Variants in RNF121 observed in about 807,000 individuals in gnomAD.
The protein encoded by RNF121 is E3 ubiquitin ligase RNF121.
A neutral mutation model predicts 46.5 loss-of-function variants in RNF121; 21 were observed. The ratio of observed to expected loss-of-function variants is 0.45; its 90% CI spans 0.32 to 0.65. The LOEUF (loss-of-function observed/expected upper bound fraction) is 0.65, where lower values mean the gene tolerates loss of function less well. RNF121 is among the 30% of genes least tolerant of loss of function. RNF121 has a pLI of 0.04. For missense variants in RNF121, 346 were observed against 416.0 expected (o/e 0.83, Z 1.46); for synonymous variants, 139 against 144.7 (o/e 0.96, Z 0.28).
At chr11:71,993,553 A>G (rs1206508643) in intron 6 of RNF121, among the ~76,000 whole-genome samples, 2 of 152,182 alleles carry the variant, frequency 1.3e-5, no homozygotes, top group East Asian at 3.9e-4. Flanking sequence ...ATGGCTGAAT[A>G]GTATTCCATT....
At chr11:71,962,186 T>G (rs1459365188) in intron 3 of RNF121, 1 of 196,290 alleles carries the variant, frequency 5.1e-6, no homozygotes, top group Admixed American at 6.5e-5. Context: ...GCCAGGATGG[T>G]CTCGATCTCC....
intron 1 of RNF121, among the ~76,000 whole-genome samples, chr11:71,929,516 C>A (rs946030489): frequency 3.3e-5 from 5 of 152,000 alleles, no homozygotes; most frequent in Non-Finnish European, 2.9e-5. Context: ...TCTGTCTAAG[C>A]CTAGGGTGGG....
chr11:71,982,335 C>CAAAAAAAAA (rs10635678), intron 3 of RNF121, among the ~76,000 whole-genome samples: 6 of 79,110 alleles, frequency 7.6e-5, no homozygotes, highest in Admixed American at 1.7e-4. Flanking sequence ...GACTCCATCT[C>CAAAAAAAAA]AAAAAAAAAA....
intron 4 of RNF121, among the ~76,000 whole-genome samples, chr11:71,984,549 G>C (rs1486995698): frequency 6.6e-6 from 1 of 151,262 alleles, no homozygotes; most frequent in Non-Finnish European, 1.5e-5. Context: ...CAAAGTGCTG[G>C]GATTACAGGC....
At chr11:71,931,531 A>C (rs1391475147) in intron 1 of RNF121, among the ~76,000 whole-genome samples, 1 of 152,232 alleles carries the variant, frequency 6.6e-6, no homozygotes, top group Non-Finnish European at 1.5e-5. Flanking sequence ...CTTGTGAAAC[A>C]GCAGGTGAAA....
intron 3 of RNF121, among the ~76,000 whole-genome samples, chr11:71,975,370 A>C (rs1954507456): frequency 6.6e-6 from 1 of 152,100 alleles, no homozygotes; most frequent in African/African-American, 2.4e-5. Context: ...CTCAAATACT[A>C]GTTGTCTTTT....
intron 3 of RNF121, among the ~76,000 whole-genome samples, chr11:71,967,193 C>T (rs997435883): frequency 9.3e-5 from 14 of 150,846 alleles, no homozygotes; most frequent in African/African-American, 3.2e-4. Context: ...TTTTAAATAA[C>T]ATGTTTATAC....
intron 3 of RNF121, among the ~76,000 whole-genome samples, chr11:71,981,583 T>C (rs7929479): frequency 0.016 from 2,453 of 152,208 alleles, 71 homozygotes; most frequent in African/African-American, 0.056. Flanking sequence ...TTAGGAGGCA[T>C]TGGAGAGAAG....
At chr11:71,974,027 C>T (rs201489498) in intron 3 of RNF121, among the ~76,000 whole-genome samples, 376 of 152,152 alleles carry the variant, frequency 2.5e-3, no homozygotes, top group Middle Eastern at 0.01. Context: ...CTGCAAGCTC[C>T]GCCTCCCGGG....
intron 5 of RNF121, among the ~76,000 whole-genome samples, chr11:71,987,784 C>T (rs1475323734): frequency 1.3e-5 from 2 of 152,178 alleles, no homozygotes; most frequent in Non-Finnish European, 2.9e-5. Context: ...AACAAATTGA[C>T]TTAGAAGAAT....
At chr11:71,946,910 C>G (rs1953738868) in intron 1 of RNF121, among the ~76,000 whole-genome samples, 2 of 147,568 alleles carry the variant, frequency 1.4e-5, no homozygotes, top group Non-Finnish European at 3.0e-5. Flanking sequence ...CTCTGTCACC[C>G]AGGCTGGAGT....
rs113242207 is a variant in RNF121, at chr11:71,933,265, G to C, written c.63+4141G>C. 8.4e-3 allele frequency among the ~76,000 whole-genome samples: 1,283 copies of C among 152,308 alleles called. 5 individuals carry two copies. The highest frequency in any genetic ancestry group is 0.048 in the Middle Eastern group (14 of 294). Reference sequence around the variant, plus strand: ...TGCCTGGCTAGTGCCTGTGAATCTGGATGTGTCCACTCTCAAGTCCTATTT... The same window carrying C: ...TGCCTGGCTAGTGCCTGTGAATCTGCATGTGTCCACTCTCAAGTCCTATTT... On this transcript the variant is annotated intron_variant, in intron 1 of 8. Coordinates refer to ENST00000361756, the MANE Select transcript of RNF121 (RefSeq NM_018320.5).
intron 1 of RNF121, among the ~76,000 whole-genome samples, chr11:71,934,377 G>GCCA (rs1661716404): frequency 6.6e-6 from 1 of 152,240 alleles, no homozygotes; most frequent in South Asian, 2.1e-4. Context: ...TGGGGTGGGT[G>GCCA]CAGTGGGCAC....
intron 3 of RNF121, among the ~76,000 whole-genome samples, chr11:71,969,976 T>G (rs1283794419): frequency 6.6e-6 from 1 of 152,216 alleles, no homozygotes; most frequent in African/African-American, 2.4e-5. Flanking sequence ...TAGCTAGATA[T>G]AAGTAATTTT....
intron 3 of RNF121, among the ~76,000 whole-genome samples, chr11:71,974,981 A>G (rs1431527228): frequency 6.6e-6 from 1 of 152,200 alleles, no homozygotes; most frequent in Non-Finnish European, 1.5e-5. Flanking sequence ...GGAAGGGATA[A>G]GTTTATGCCT....
At chr11:71,982,665 G>A in intron 3 of RNF121, 96 bp from the exon 4 acceptor site, 3 of 1,364,340 alleles carry the variant, frequency 2.2e-6, no homozygotes, top group Non-Finnish European at 2.0e-6. Context: ...TACAGGAGAG[G>A]ATCAAGCTAA....
chr11:71,952,801 C>G (rs953318855), intron 1 of RNF121, among the ~76,000 whole-genome samples: 1 of 79,284 alleles, frequency 1.3e-5, no homozygotes, highest in Non-Finnish European at 2.8e-5. Context: ...GAGCAAGACT[C>G]TGTCTCAAAA....
At chr11:71,971,108 G>T (rs1003059369) in intron 3 of RNF121, among the ~76,000 whole-genome samples, 4 of 152,212 alleles carry the variant, frequency 2.6e-5, no homozygotes, top group African/African-American at 9.6e-5. Flanking sequence ...AGCAGGCTGG[G>T]TGTGGTGACT....
chr11:71,956,710 C>T (rs527531189), intron 1 of RNF121, among the ~76,000 whole-genome samples: 4 of 152,340 alleles, frequency 2.6e-5, no homozygotes, highest in African/African-American at 9.6e-5. Context: ...TCTAGCCATA[C>T]TCAATTGCTT....
Sources: gnomAD v4.1 joint callset for allele counts (sites outside exome capture counted in the v4.1 genomes callset) on GRCh38, gnomAD v4.1.1 for gene constraint, MANE v1.5 for transcripts, NCBI Gene and HGNC (gene_info 2026-07-23, HGNC 2026-07-21) for gene names.